Variants in STAU1 observed in about 807,000 individuals in gnomAD.
The protein encoded by STAU1 is staufen double-stranded RNA binding protein 1.
STAU1 carries 13 observed loss-of-function variants against 62.9 expected under a neutral mutation model. That is an observed-to-expected ratio of 0.21 (90% CI 0.13 to 0.33). The LOEUF is 0.33. Ranked by LOEUF, STAU1 falls within the 10% of genes least tolerant of loss-of-function variation. The pLI is 1.00. For synonymous variants in STAU1, 269 were observed against 265.1 expected, an observed-to-expected ratio of 1.01 and a Z score of -0.14; for missense variants, 571 against 712.1, an observed-to-expected ratio of 0.80 and a Z score of 2.25.
intron 5 of STAU1, among the ~76,000 whole-genome samples, chr20:49,143,410 G>T (rs2093052847): frequency 6.6e-6 from 1 of 152,094 alleles, no homozygotes; most frequent in South Asian, 2.1e-4. Context: ...TGGGCAACAT[G>T]GCAAAACCCG....
At chr20:49,187,205 C>A (rs370624472) in intron 1 of STAU1, among the ~76,000 whole-genome samples, 1 of 152,128 alleles carries the variant, frequency 6.6e-6, no homozygotes, top group East Asian at 1.9e-4. Flanking sequence ...CAAGAAGAAG[C>A]TGGATGATGG....
chr20:49,115,205 T>G (rs539505776), intron 13 of STAU1, among the ~76,000 whole-genome samples: 1 of 150,454 alleles, frequency 6.6e-6, no homozygotes. Context: ...GTGGGGAGAA[T>G]AGGAGGGATG....
intron 1 of STAU1, among the ~76,000 whole-genome samples, chr20:49,181,763 CAACAAAAAAAAAAAAAAAAAA>C (rs1323197020): frequency 3.0e-5 from 2 of 66,702 alleles, no homozygotes; most frequent in Non-Finnish European, 5.6e-5. Flanking sequence ...AAGACTATCT[CAACAAAAAAAAAAAAAAAAAA>C]AAAAAAAAAA....
the STAU1 span, among the ~76,000 whole-genome samples, chr20:49,204,642 ATATATTTTTTT>A: frequency 5.9e-5 from 3 of 50,576 alleles, no homozygotes; most frequent in Non-Finnish European, 9.8e-5. Context: ...ATATATATAT[ATATATTTTTTT>A]TTTTTTTTTT....
chr20:49,197,863 C>T, the STAU1 span, among the ~76,000 whole-genome samples: 783 of 151,910 alleles, frequency 5.2e-3, 10 homozygotes, highest in African/African-American at 0.017. Context: ...ACACCACCAC[C>T]GCCAACTCAT....
At chr20:49,144,083 G>T (rs537686901) in intron 5 of STAU1, among the ~76,000 whole-genome samples, 1 of 152,310 alleles carries the variant, frequency 6.6e-6, no homozygotes, top group South Asian at 2.1e-4. Context: ...GCTCCATTAA[G>T]TGCAAAATGC....
the STAU1 span, among the ~76,000 whole-genome samples, chr20:49,203,646 T>C: frequency 3.3e-5 from 5 of 152,360 alleles, no homozygotes; most frequent in African/African-American, 1.2e-4. Flanking sequence ...TAATTACATA[T>C]GCAATAATTA....
At chr20:49,142,226 A>G (rs2093024354) in intron 5 of STAU1, among the ~76,000 whole-genome samples, 1 of 152,144 alleles carries the variant, frequency 6.6e-6, no homozygotes, top group South Asian at 2.1e-4. Context: ...AGCTGGGACT[A>G]CAGGCACAAG....
chr20:49,198,796 T>C, the STAU1 span, among the ~76,000 whole-genome samples: 1 of 151,572 alleles, frequency 6.6e-6, no homozygotes, highest in Admixed American at 6.6e-5. Context: ...ACCTTGTCTC[T>C]ACTAGAAATA....
intron 1 of STAU1, among the ~76,000 whole-genome samples, chr20:49,182,935 C>T (rs910680597): frequency 2.0e-5 from 3 of 151,282 alleles, no homozygotes; most frequent in Non-Finnish European, 4.4e-5. Flanking sequence ...TACAATAAAA[C>T]TTCATAAACT....
intron 7 of STAU1, 29 bp downstream of exon 7, chr20:49,124,346 A>G (rs1243866761): frequency 6.2e-7 from 1 of 1,608,280 alleles, no homozygotes; most frequent in South Asian, 1.1e-5. Flanking sequence ...AGTAATGAAA[A>G]CACCTTCTGT....
chr20:49,137,963 A>C (rs2092926269), intron 5 of STAU1, among the ~76,000 whole-genome samples: 1 of 151,570 alleles, frequency 6.6e-6, no homozygotes, highest in African/African-American at 2.4e-5. Flanking sequence ...TACAGACATG[A>C]GCCACCGTGT....
intron 5 of STAU1, among the ~76,000 whole-genome samples, chr20:49,150,429 T>A (rs959500863): frequency 6.6e-6 from 1 of 151,940 alleles, no homozygotes; most frequent in Non-Finnish European, 1.5e-5. Context: ...TGGCACAATC[T>A]CGGCTCACCG....
At chr20:49,177,097 G>C (rs2093669270) in intron 1 of STAU1, among the ~76,000 whole-genome samples, 1 of 151,912 alleles carries the variant, frequency 6.6e-6, no homozygotes, top group African/African-American at 2.4e-5. Flanking sequence ...ATTTTTAGTA[G>C]AGATGGGTCT....
chr20:49,115,703 C>T, intron 13 of STAU1, 79 bp downstream of exon 13: 2 of 1,229,174 alleles, frequency 1.6e-6, no homozygotes, highest in Non-Finnish European at 2.4e-6. Flanking sequence ...CCCGCTGAGT[C>T]AGCAGATAGT....
chr20:49,160,296 T>C (rs2093428739), intron 3 of STAU1, among the ~76,000 whole-genome samples: 1 of 152,236 alleles, frequency 6.6e-6, no homozygotes, highest in South Asian at 2.1e-4. Flanking sequence ...TTCAGTCAAA[T>C]GAAAAGAAAC....
chr20:49,114,997 T>C, intron 13 of STAU1, 104 bp from the exon 14 acceptor site: 1 of 1,202,398 alleles, frequency 8.3e-7, no homozygotes. Flanking sequence ...AGTACAATAC[T>C]AAAAGCCCCA....
At chr20:49,125,921 T>C (rs1195288030) in intron 6 of STAU1, among the ~76,000 whole-genome samples, 1 of 152,008 alleles carries the variant, frequency 6.6e-6, no homozygotes, top group African/African-American at 2.4e-5. Flanking sequence ...ACGGGAATGA[T>C]AGTTTTGACT....
At chr20:49,158,500 A>G in intron 3 of STAU1, 2 of 1,304,384 alleles carry the variant, frequency 1.5e-6, no homozygotes, top group Non-Finnish European at 2.0e-6. Context: ...GGCTTCCACT[A>G]AAGGAAAAAA....
Sources: allele counts gnomAD v4.1 joint callset (sites outside exome capture counted in the v4.1 genomes callset), GRCh38; gene constraint gnomAD v4.1.1; transcripts MANE v1.5; gene names NCBI Gene and HGNC (gene_info 2026-07-23, HGNC 2026-07-21).